The following TMEM74 variants were observed in gnomAD, a reference collection of about 807,000 sequenced individuals.
TMEM74 encodes transmembrane protein 74.
TMEM74 carries 13 observed loss-of-function variants against 18.1 expected under a neutral mutation model. That is an observed-to-expected ratio of 0.72 (90% CI 0.47 to 1.14). The LOEUF (loss-of-function observed/expected upper bound fraction) is 1.14, where lower values mean the gene tolerates loss of function less well. Ranked by LOEUF, TMEM74 falls within the 50% of genes most tolerant of loss-of-function variation. The pLI, the probability that TMEM74 is intolerant of heterozygous loss-of-function variation, is 0.00. For missense variants in TMEM74, 372 were observed against 375.9 expected (o/e 0.99, Z 0.09); for synonymous variants, 159 against 146.6 (o/e 1.08, Z -0.61).
intron 2 of TMEM74, among the ~76,000 whole-genome samples, chr8:108,629,485 A>G (rs1812528582): frequency 6.6e-6 from 1 of 152,036 alleles, no homozygotes; most frequent in Admixed American, 6.6e-5. Context: ...TACAGAGAAC[A>G]CCACTAAGAT....
chr8:108,630,782 A>C (rs1412750702), intron 2 of TMEM74, among the ~76,000 whole-genome samples: 1 of 152,056 alleles, frequency 6.6e-6, no homozygotes, highest in East Asian at 1.9e-4. Flanking sequence ...GAAACTAATG[A>C]GAAAAAAGAG....
intron 2 of TMEM74, chr8:108,652,400 C>T (rs1424032077): frequency 3.6e-6 from 1 of 280,230 alleles, no homozygotes; most frequent in Non-Finnish European, 6.8e-6. Context: ...GAAGGGAGTG[C>T]TTAGAACACA....
chr8:108,673,953 C>T (rs962135994), intron 1 of TMEM74, among the ~76,000 whole-genome samples: 5 of 152,084 alleles, frequency 3.3e-5, no homozygotes, highest in African/African-American at 1.2e-4. Flanking sequence ...TGGGTTCAAA[C>T]ATTTTAAAAA....
At chr8:108,721,368 C>T (rs1467256847) in intron 1 of TMEM74, among the ~76,000 whole-genome samples, 1 of 152,224 alleles carries the variant, frequency 6.6e-6, no homozygotes, top group Non-Finnish European at 1.5e-5. Context: ...ATTACAACTA[C>T]CCTACTTCTT....
chr8:108,654,274 T>C (rs1170339823), intron 2 of TMEM74, among the ~76,000 whole-genome samples: 1 of 152,174 alleles, frequency 6.6e-6, no homozygotes, highest in Non-Finnish European at 1.5e-5. Flanking sequence ...GTCTGCTACT[T>C]ACTAGCTGGA....
At chr8:108,692,089 G>A (rs1409540364) in intron 1 of TMEM74, among the ~76,000 whole-genome samples, 2 of 152,152 alleles carry the variant, frequency 1.3e-5, no homozygotes, top group East Asian at 3.9e-4. Flanking sequence ...TAATAAAGCT[G>A]AGATTCAGAG....
intron 2 of TMEM74, among the ~76,000 whole-genome samples, chr8:108,649,188 C>T (rs190491906): frequency 3.3e-5 from 5 of 152,242 alleles, no homozygotes; most frequent in Admixed American, 2.6e-4. Flanking sequence ...GAAGTCTCAT[C>T]TTGAGCATGT....
intron 1 of TMEM74, among the ~76,000 whole-genome samples, chr8:108,772,131 C>T (rs952964836): frequency 2.0e-5 from 3 of 152,038 alleles, no homozygotes; most frequent in Non-Finnish European, 4.4e-5. Flanking sequence ...TAAACTAGTA[C>T]ATTTTTATTA....
chr8:108,650,103 T>C (rs988649944), intron 2 of TMEM74, among the ~76,000 whole-genome samples: 2 of 152,166 alleles, frequency 1.3e-5, no homozygotes, highest in African/African-American at 4.8e-5. Flanking sequence ...TTATTACCTA[T>C]GAAACATCTC....
chr8:108,784,250 T>A lies in TMEM74; in HGVS notation c.849A>T (p.Lys283Asn). The change falls in exon 2 of 2, where the codon AAA becomes AAT. Residue 283 changes from lysine (K) to asparagine (N), a missense_variant. Physicochemically the swap from Lys to Asn is moderately conservative, Grantham distance 94 (BLOSUM62 0). Coordinates refer to ENST00000297459, the MANE Select transcript of TMEM74 (RefSeq NM_153015.3). ...CCAGAGTGTTTTCATTCGTGCTGGTTTTCATCCTGAAGTTGAAAGAACCAT... is the reference window on the plus strand; with the variant it reads ...CCAGAGTGTTTTCATTCGTGCTGGTATTCATCCTGAAGTTGAAAGAACCAT... Reference protein sequence around the residue: ...KLYGSFNFRMKTSTNENTLEL... With the variant: ...KLYGSFNFRMNTSTNENTLEL... The A allele has an allele frequency of 1.2e-6, 2 of 1,614,208 alleles. No homozygotes were observed. The highest frequency in any genetic ancestry group is 2.2e-5 in the South Asian group (2 of 91,078).
intron 2 of TMEM74, chr8:108,652,614 T>A (rs1812785685): frequency 3.2e-6 from 2 of 625,656 alleles, no homozygotes; most frequent in African/African-American, 1.8e-5. Flanking sequence ...AAAAGATAGT[T>A]GCAGTAAAGA....
intron 2 of TMEM74, among the ~76,000 whole-genome samples, chr8:108,647,811 C>T (rs1012154993): frequency 2.0e-5 from 3 of 152,022 alleles, no homozygotes; most frequent in Non-Finnish European, 2.9e-5. Flanking sequence ...CAATATAGAG[C>T]GCTAAGTGCT....
At chr8:108,618,327 A>G (rs1812406574) in intron 2 of TMEM74, among the ~76,000 whole-genome samples, 1 of 152,160 alleles carries the variant, frequency 6.6e-6, no homozygotes, top group Non-Finnish European at 1.5e-5. Flanking sequence ...GGTTGTGTAT[A>G]TTTTGATGAG....
At chr8:108,727,638 T>C (rs1813652621) in intron 1 of TMEM74, among the ~76,000 whole-genome samples, 1 of 152,154 alleles carries the variant, frequency 6.6e-6, no homozygotes, top group African/African-American at 2.4e-5. Context: ...GGAAAGCAGT[T>C]TGATATGAGC....
At chr8:108,713,388 A>AAG (rs1813491944) in intron 1 of TMEM74, among the ~76,000 whole-genome samples, 1 of 152,206 alleles carries the variant, frequency 6.6e-6, no homozygotes, top group Non-Finnish European at 1.5e-5. Context: ...TGACAAAGAA[A>AAG]AGAGATGAAT....
At chr8:108,742,206 C>T (rs1254393874) in intron 1 of TMEM74, among the ~76,000 whole-genome samples, 1 of 151,978 alleles carries the variant, frequency 6.6e-6, no homozygotes, top group African/African-American at 2.4e-5. Context: ...GGCTTAGTAC[C>T]TGGGTAATAA....
intron 1 of TMEM74, among the ~76,000 whole-genome samples, chr8:108,715,443 G>A (rs1430689121): frequency 6.6e-6 from 1 of 151,914 alleles, no homozygotes; most frequent in Non-Finnish European, 1.5e-5. Context: ...AAAAAAAAAT[G>A]AGTTGCCTTT....
chr8:108,700,669 C>T (rs796238561), intron 1 of TMEM74, among the ~76,000 whole-genome samples: 3 of 152,212 alleles, frequency 2.0e-5, no homozygotes, highest in African/African-American at 7.2e-5. Context: ...GGCATTTAAT[C>T]ATCTTAATCA....
At chr8:108,772,984 A>G (rs867593777) in intron 1 of TMEM74, among the ~76,000 whole-genome samples, 2 of 152,296 alleles carry the variant, frequency 1.3e-5, no homozygotes, top group South Asian at 4.1e-4. Context: ...TATTAACTAC[A>G]TAAGCATCAA....
Sources: gnomAD v4.1 joint callset for allele counts (sites outside exome capture counted in the v4.1 genomes callset) on GRCh38, gnomAD v4.1.1 for gene constraint, MANE v1.5 for transcripts, NCBI Gene and HGNC (gene_info 2026-07-23, HGNC 2026-07-21) for gene names.